KCNAB1: variants seen among roughly 807,000 people sequenced by gnomAD.
KCNAB1 encodes voltage-gated potassium channel subunit beta-1.
A neutral mutation model predicts 64.6 loss-of-function variants in KCNAB1; 35 were observed. That is an observed-to-expected ratio of 0.54 (90% CI 0.41 to 0.72). KCNAB1 has a LOEUF of 0.72. Ranked by LOEUF, KCNAB1 falls within the 30% of genes least tolerant of loss-of-function variation. The probability of loss-of-function intolerance (pLI) is 0.00; values close to 1 mark genes in which losing one functional copy is unlikely to be tolerated. For missense variants in KCNAB1, 401 were observed against 512.9 expected, an observed-to-expected ratio of 0.78 and a Z score of 2.11; for synonymous variants, 177 against 183.8, an observed-to-expected ratio of 0.96 and a Z score of 0.30.
chr3:156,269,897 A>G (rs1379168172), intron 1 of KCNAB1, among the ~76,000 whole-genome samples: 3 of 148,992 alleles, frequency 2.0e-5, no homozygotes, highest in African/African-American at 7.4e-5. Flanking sequence ...TGCAGGCAAC[A>G]GATGACCGGG....
chr3:156,494,501 T>C (rs755648167), intron 8 of KCNAB1, among the ~76,000 whole-genome samples: 4 of 152,174 alleles, frequency 2.6e-5, no homozygotes, highest in Non-Finnish European at 4.4e-5. Context: ...TGCTTTATTG[T>C]AGACAATAGC....
intron 1 of KCNAB1, chr3:156,176,194 A>C (rs1337917468): frequency 1.3e-6 from 1 of 776,814 alleles, no homozygotes; most frequent in African/African-American, 1.7e-5. Context: ...TTCAGAACTT[A>C]AGGTCAGGCC....
At chr3:156,479,611 A>G (rs916473059) in intron 8 of KCNAB1, among the ~76,000 whole-genome samples, 7 of 152,180 alleles carry the variant, frequency 4.6e-5, no homozygotes, top group African/African-American at 1.2e-4. Flanking sequence ...TGAAAATATG[A>G]TTTTTAAATT....
At chr3:156,322,639 A>G (rs1044907498) in intron 1 of KCNAB1, among the ~76,000 whole-genome samples, 2 of 152,218 alleles carry the variant, frequency 1.3e-5, no homozygotes, top group South Asian at 2.1e-4. Context: ...AGATGACTAT[A>G]TATAGTGATG....
intron 2 of KCNAB1, among the ~76,000 whole-genome samples, chr3:156,427,858 T>A (rs935469449): frequency 6.6e-6 from 1 of 152,176 alleles, no homozygotes; most frequent in Non-Finnish European, 1.5e-5. Context: ...GAAAGGAGCA[T>A]CTGCCCACAC....
chr3:156,147,001 A>G (rs1715076098), intron 1 of KCNAB1, among the ~76,000 whole-genome samples: 1 of 152,188 alleles, frequency 6.6e-6, no homozygotes, highest in Non-Finnish European at 1.5e-5. Flanking sequence ...AGGAACTCAA[A>G]TGCATATAAT....
intron 1 of KCNAB1, among the ~76,000 whole-genome samples, chr3:156,141,832 T>C (rs900826895): frequency 2.6e-5 from 4 of 152,232 alleles, no homozygotes; most frequent in African/African-American, 7.2e-5. Flanking sequence ...TTTAGTCTTA[T>C]AAGAAACTTT....
At chr3:156,143,508 C>T (rs1240078490) in intron 1 of KCNAB1, 3 of 807,516 alleles carry the variant, frequency 3.7e-6, no homozygotes, top group Non-Finnish European at 5.2e-6. Flanking sequence ...AATAGCAAGA[C>T]AAAACCCTGT....
intron 1 of KCNAB1, among the ~76,000 whole-genome samples, chr3:156,189,363 G>T (rs1713409644): frequency 6.6e-6 from 1 of 152,200 alleles, no homozygotes; most frequent in Admixed American, 6.5e-5. Flanking sequence ...CCCAGAGAGG[G>T]TGTGTGAGTA....
chr3:156,200,810 C>T (rs539901805), intron 1 of KCNAB1, among the ~76,000 whole-genome samples: 23 of 152,190 alleles, frequency 1.5e-4, no homozygotes, highest in Admixed American at 1.1e-3. Context: ...CCTTTTCCAG[C>T]GGAGTGAATG....
intron 1 of KCNAB1, among the ~76,000 whole-genome samples, chr3:156,388,303 A>G (rs1278880084): frequency 6.6e-6 from 1 of 152,248 alleles, no homozygotes; most frequent in East Asian, 1.9e-4. Context: ...ACCAGGATTG[A>G]AATTAGGTTC....
At chr3:156,179,979 A>G (rs1356072416) in intron 1 of KCNAB1, among the ~76,000 whole-genome samples, 2 of 152,224 alleles carry the variant, frequency 1.3e-5, no homozygotes, top group Admixed American at 6.5e-5. Context: ...CGCTTAACAT[A>G]TATTGAACAT....
intron 1 of KCNAB1, among the ~76,000 whole-genome samples, chr3:156,249,664 A>G (rs1256570692): frequency 6.6e-6 from 1 of 152,238 alleles, no homozygotes; most frequent in African/African-American, 2.4e-5. Context: ...GCTTTACTAT[A>G]AACCACCCAG....
chr3:156,202,722 G>A (rs1714416476), intron 1 of KCNAB1, among the ~76,000 whole-genome samples: 1 of 151,964 alleles, frequency 6.6e-6, no homozygotes, highest in Admixed American at 6.6e-5. Flanking sequence ...TCATGTTAAG[G>A]TAATATTGTT....
At chr3:156,374,511 T>C (rs1711526840) in intron 1 of KCNAB1, among the ~76,000 whole-genome samples, 1 of 135,316 alleles carries the variant, frequency 7.4e-6, no homozygotes, top group Non-Finnish European at 1.5e-5. Context: ...TTTTAGAAGG[T>C]ACACCAATAT....
At chr3:156,276,143 C>T (rs1460179420) in intron 1 of KCNAB1, among the ~76,000 whole-genome samples, 1 of 152,086 alleles carries the variant, frequency 6.6e-6, no homozygotes, top group Non-Finnish European at 1.5e-5. Context: ...CAACATTAAT[C>T]CCCTTGTACA....
At chr3:156,317,972 T>G (rs1193969376) in intron 1 of KCNAB1, among the ~76,000 whole-genome samples, 1 of 152,208 alleles carries the variant, frequency 6.6e-6, no homozygotes, top group African/African-American at 2.4e-5. Flanking sequence ...GGCAGGTAGT[T>G]AGATATCTAA....
chr3:156,280,016 G>A (rs1243727428), intron 1 of KCNAB1, among the ~76,000 whole-genome samples: 14 of 149,008 alleles, frequency 9.4e-5, no homozygotes, highest in African/African-American at 3.5e-4. Context: ...CATTGCTTTT[G>A]GTGTTTTAGA....
chr3:156,270,539 C>T (rs932808796), intron 1 of KCNAB1, among the ~76,000 whole-genome samples: 3 of 151,942 alleles, frequency 2.0e-5, no homozygotes, highest in African/African-American at 7.3e-5. Context: ...AATTTAACTT[C>T]GATTGTATAA....
Sources: allele counts gnomAD v4.1 joint callset (sites outside exome capture counted in the v4.1 genomes callset), GRCh38; gene constraint gnomAD v4.1.1; transcripts MANE v1.5; gene names NCBI Gene and HGNC (gene_info 2026-07-23, HGNC 2026-07-21).